Variants in EYS observed in about 807,000 individuals in gnomAD.
EYS encodes the protein protein eyes shut homolog.
EYS carries 250 observed loss-of-function variants against 282.1 expected under a neutral mutation model. That is an observed-to-expected ratio of 0.89 (90% CI 0.80 to 0.98). The LOEUF (loss-of-function observed/expected upper bound fraction) is 0.98, where lower values mean the gene tolerates loss of function less well. Among genes scored for constraint, EYS ranks in the 50% least tolerant of loss-of-function variants. The pLI is 0.00. For missense variants in EYS, 4,016 were observed against 3,709.0 expected, an observed-to-expected ratio of 1.08 and a Z score of -2.15; for synonymous variants, 1,355 against 1,282.9, an observed-to-expected ratio of 1.06 and a Z score of -1.20.
In EYS at chr6:64,591,687, T is replaced by G; in HGVS notation, c.4180A>C (p.Ile1394Leu). Reference sequence around the variant, plus strand: ...AAATCTGACATTAAGGAAGACATGATAAATGGGGTCCTTGCTCTCCTATCA... The same window carrying G: ...AAATCTGACATTAAGGAAGACATGAGAAATGGGGTCCTTGCTCTCCTATCA... ...FPDRRARTPFIMSSLMSDFIF... is the reference protein window; with the variant it reads ...FPDRRARTPFLMSSLMSDFIF... The change falls in exon 26 of 43, where the codon ATC becomes CTC. Residue 1394 changes from isoleucine to leucine, a missense_variant. By Grantham distance (5) the Ile-to-Leu change is conservative (BLOSUM62 2). Transcript: ENST00000503581. The G allele has an allele frequency of 6.4e-7, 1 of 1,551,248 alleles. No homozygotes were observed. Among genetic ancestry groups the G allele is most frequent in the Non-Finnish European group, 8.7e-7 (1 of 1,146,734 alleles).
intron 14 of EYS, among the ~76,000 whole-genome samples, chr6:64,988,489 G>T (rs141054165): frequency 6.6e-5 from 10 of 151,550 alleles, no homozygotes; most frequent in South Asian, 4.1e-4. Context: ...GTTAAAAGAC[G>T]TACAGGTAAA....
intron 13 of EYS, among the ~76,000 whole-genome samples, chr6:65,008,949 A>G (rs2150132032): frequency 6.6e-6 from 1 of 152,286 alleles, no homozygotes; most frequent in African/African-American, 2.4e-5. Context: ...CCAGCCACTA[A>G]GCTGTGATGG....
chr6:65,570,574 T>C (rs1764444022), intron 2 of EYS, among the ~76,000 whole-genome samples: 1 of 152,038 alleles, frequency 6.6e-6, no homozygotes, highest in Non-Finnish European at 1.5e-5. Context: ...GAACTGGGGG[T>C]GAGAACTCCT....
intron 2 of EYS, among the ~76,000 whole-genome samples, chr6:65,536,369 A>T (rs530820554): frequency 6.6e-6 from 1 of 152,104 alleles, no homozygotes; most frequent in African/African-American, 2.4e-5. Flanking sequence ...TGTCTTGAAA[A>T]ACAAATAGAG....
chr6:63,721,432 C>T lies in EYS; in HGVS notation c.8599G>A (p.Gly2867Ser), dbSNP rs1355348559. 2 of 1,551,676 alleles carry T rather than the reference C, an allele frequency of 1.3e-6. No homozygotes were observed. The highest frequency in any genetic ancestry group is 1.7e-6 in the Non-Finnish European group (2 of 1,146,946). Residue 2867 changes from glycine (G) to serine (S), a missense_variant, in exon 43 of 43, where the codon GGT (glycine) becomes AGT (serine). Gly to Ser is a moderately conservative substitution (Grantham distance 56). Transcript: ENST00000503581. ...ELQLTEFGAK[G>S]GSNVGDCDGT... is the part of the protein sequence containing the mutation. The stretch of plus-strand genomic sequence containing the variant: ...TCACAGTCACCTACATTTGAGCCAC[C>T]TTTTGCTCCAAATTCAGTTAATTGT...
intron 2 of EYS, among the ~76,000 whole-genome samples, chr6:65,632,901 GGGATAAATTGAGGACCATAACTGAGGGCC>G (rs541592330): frequency 7.8e-4 from 119 of 152,184 alleles, no homozygotes; most frequent in Non-Finnish European, 1.4e-3. Flanking sequence ...CTAGTAAATA[GGGATAAATTGAGGACCATAACTGAGGGCC>G]CTTGAATCTG....
chr6:63,778,237 G>A, intron 39 of EYS, 57 bp from the exon 40 acceptor site: 1 of 1,484,334 alleles, frequency 6.7e-7, no homozygotes, highest in South Asian at 1.2e-5. Context: ...GAAAAAACAA[G>A]AAGAAGGTTA....
At chr6:63,729,961 CTT>C (rs1768741054) in intron 41 of EYS, among the ~76,000 whole-genome samples, 1 of 152,260 alleles carries the variant, frequency 6.6e-6, no homozygotes, top group East Asian at 1.9e-4. Context: ...AGTCATCTCT[CTT>C]ATTGATTATT....
intron 22 of EYS, among the ~76,000 whole-genome samples, chr6:64,647,130 C>A (rs1768382562): frequency 1.3e-5 from 2 of 152,130 alleles, no homozygotes; most frequent in African/African-American, 4.8e-5. Flanking sequence ...ACTGAAGTAA[C>A]TGTATGTCCG....
At chr6:65,459,704 A>G (rs1353486714) in intron 5 of EYS, among the ~76,000 whole-genome samples, 1 of 151,542 alleles carries the variant, frequency 6.6e-6, no homozygotes, top group African/African-American at 2.4e-5. Context: ...AGTCTTGAAC[A>G]GAAGACTGTT....
chr6:65,006,672 G>A (rs531767550), intron 13 of EYS, among the ~76,000 whole-genome samples: 29 of 152,096 alleles, frequency 1.9e-4, no homozygotes, highest in Non-Finnish European at 2.8e-4. Context: ...ACAAAGGTCC[G>A]ACCAGAGCTA....
chr6:65,080,131 T>C lies in EYS; in HGVS notation c.2024-22404A>G, dbSNP rs944508173. ...CCCAATGACCACTACAAGATCCATG[T>C]TCCCTCCAAGAGAGCTGAGAAAACA... On this transcript the variant is annotated intron_variant, in intron 12 of 42. Coordinates refer to ENST00000503581, the MANE Select transcript of EYS (RefSeq NM_001142800.2). Among the ~76,000 whole-genome samples the C allele has an allele frequency of 1.2e-4, 19 of 152,038 alleles. 1 individual carries two copies. Among genetic ancestry groups the C allele is most frequent in the Admixed American group, 4.6e-4 (7 of 15,224 alleles).
chr6:64,139,862 G>A (rs1280490151), intron 31 of EYS, among the ~76,000 whole-genome samples: 4 of 151,868 alleles, frequency 2.6e-5, no homozygotes, highest in Non-Finnish European at 4.4e-5. Flanking sequence ...CTAGCTACTT[G>A]GGAGGCTGAG....
Position 64,558,966 on chromosome 6 carries a change from A to G in EYS, c.5644+31257T>C, listed in dbSNP as rs568596471. Reference sequence around the variant, plus strand: ...GTGTGTCTTTGACTAAGGAAGAAAGATAAGAGTGTCCCACAATATAACTTG... The same window carrying G: ...GTGTGTCTTTGACTAAGGAAGAAAGGTAAGAGTGTCCCACAATATAACTTG... On this transcript the variant is annotated intron_variant, in intron 26 of 42. Coordinates refer to ENST00000503581, the MANE Select transcript of EYS (RefSeq NM_001142800.2). Among the ~76,000 whole-genome samples the G allele has an allele frequency of 1.1e-4, 16 of 152,330 alleles. 1 individual carries two copies. The South Asian group carries it at 3.1e-3, about 30-fold the overall frequency.
At chr6:64,290,567 G>C (rs1768667445) in intron 30 of EYS, among the ~76,000 whole-genome samples, 1 of 151,888 alleles carries the variant, frequency 6.6e-6, no homozygotes, top group East Asian at 1.9e-4. Flanking sequence ...TCGCTTAGCA[G>C]TCTAATGCTG....
intron 11 of EYS, 116 bp from the exon 12 acceptor site, chr6:65,296,235 T>C (rs1269199899): frequency 7.2e-6 from 8 of 1,105,094 alleles, no homozygotes; most frequent in Non-Finnish European, 8.7e-6. Flanking sequence ...ATGAAGATAG[T>C]TGTGGGGTGC....
At chr6:65,347,301 G>A (rs1427448002) in intron 9 of EYS, among the ~76,000 whole-genome samples, 1 of 151,742 alleles carries the variant, frequency 6.6e-6, no homozygotes, top group Non-Finnish European at 1.5e-5. Flanking sequence ...CTGTGTCTTC[G>A]TATGTAAACT....
intron 36 of EYS, among the ~76,000 whole-genome samples, chr6:63,856,472 ACAGT>A (rs1237752432): frequency 6.6e-6 from 1 of 152,220 alleles, no homozygotes. Context: ...TGTTCTACTG[ACAGT>A]CAGTGTTCTG....
chr6:65,379,490 A>C (rs748156239), intron 8 of EYS, among the ~76,000 whole-genome samples: 2 of 152,120 alleles, frequency 1.3e-5, no homozygotes, highest in Non-Finnish European at 2.9e-5. Flanking sequence ...GCTATTTATG[A>C]CAAACCCATA....
Sources: gnomAD v4.1 joint callset for allele counts (sites outside exome capture counted in the v4.1 genomes callset) on GRCh38, gnomAD v4.1.1 for gene constraint, MANE v1.5 for transcripts, NCBI Gene and HGNC (gene_info 2026-07-23, HGNC 2026-07-21) for gene names.